ARL15: variants seen among roughly 807,000 people sequenced by gnomAD.
ARL15 encodes the protein ARF like GTPase 15.
In ARL15, 19 loss-of-function variants were observed where a neutral mutation model predicts 25.2. The ratio of observed to expected loss-of-function variants is 0.75; its 90% confidence interval spans 0.53 to 1.10. The LOEUF is 1.10. ARL15 is among the 50% of genes least tolerant of loss of function. The pLI is 0.00. For missense variants in ARL15, 220 were observed against 246.0 expected (o/e 0.89, Z 0.71); for synonymous variants, 94 against 86.8 (o/e 1.08, Z -0.46).
intron 4 of ARL15, among the ~76,000 whole-genome samples, chr5:54,037,699 C>T (rs1561198103): frequency 6.6e-6 from 1 of 152,052 alleles, no homozygotes; most frequent in Non-Finnish European, 1.5e-5. Context: ...TAATGAAATG[C>T]TTAAGTACAC....
At chr5:53,965,667 C>T (rs1272587915) in intron 4 of ARL15, among the ~76,000 whole-genome samples, 2 of 150,114 alleles carry the variant, frequency 1.3e-5, no homozygotes, top group East Asian at 3.9e-4. Context: ...TATCCTTGCT[C>T]ACTGTTGGTC....
rs563530983 is a variant in ARL15 at position 53,961,308 on chromosome 5, G to A, written c.463-74595C>T. 1.9e-4 allele frequency among the ~76,000 whole-genome samples: 29 copies of A among 151,836 alleles called. No individual in the cohort carries two copies. In the South Asian group the frequency reaches 5.6e-3, roughly 29 times the overall value. ...AGGTCAGGAGTTCGAGATCATCCTG[G>A]CCAACATGGTGAAACCCCATCTCTA... On this transcript the variant is annotated intron_variant, in intron 4 of 4. Transcript: ENST00000504924.
At chr5:53,947,757 G>A (rs1160836863) in intron 4 of ARL15, among the ~76,000 whole-genome samples, 1 of 152,152 alleles carries the variant, frequency 6.6e-6, no homozygotes, top group East Asian at 1.9e-4. Flanking sequence ...CAACATTAGA[G>A]AATGAAGAAA....
chr5:54,094,118 AT>A (rs1305850081), intron 4 of ARL15, among the ~76,000 whole-genome samples: 2 of 152,260 alleles, frequency 1.3e-5, no homozygotes, highest in Admixed American at 1.3e-4. Context: ...TAGTAGACAA[AT>A]TTTTGACATT....
intron 1 of ARL15, among the ~76,000 whole-genome samples, chr5:54,188,257 T>A (rs1755293019): frequency 1.3e-5 from 2 of 152,072 alleles, no homozygotes; most frequent in South Asian, 4.1e-4. Context: ...CAGTAAACTA[T>A]CATGTTAAGA....
At chr5:53,910,668 TATATA>T (rs1745430799) in intron 4 of ARL15, among the ~76,000 whole-genome samples, 1 of 127,646 alleles carries the variant, frequency 7.8e-6, no homozygotes, top group Admixed American at 7.9e-5. Flanking sequence ...TATATATATA[TATATA>T]AAGAAAACGT....
chr5:54,206,970 T>C (rs1755889026), intron 1 of ARL15, among the ~76,000 whole-genome samples: 1 of 152,240 alleles, frequency 6.6e-6, no homozygotes, highest in Non-Finnish European at 1.5e-5. Context: ...GAAAGGCTCG[T>C]CTAGTCCAAT....
chr5:54,216,678 T>G (rs759317407), intron 1 of ARL15, among the ~76,000 whole-genome samples: 6 of 152,084 alleles, frequency 3.9e-5, no homozygotes, highest in Non-Finnish European at 8.8e-5. Context: ...CAAAATGTAC[T>G]AATCATTCCA....
intron 1 of ARL15, among the ~76,000 whole-genome samples, chr5:54,218,887 A>G (rs1756293837): frequency 6.6e-6 from 1 of 152,130 alleles, no homozygotes; most frequent in South Asian, 2.1e-4. Context: ...CTAGTCTTCT[A>G]ATTTTGTACA....
intron 1 of ARL15, among the ~76,000 whole-genome samples, chr5:54,190,328 G>C (rs934731245): frequency 2.0e-5 from 3 of 151,932 alleles, no homozygotes; most frequent in African/African-American, 7.3e-5. Flanking sequence ...AGGAGGTGGA[G>C]GTTGCAGTGA....
chr5:53,886,649 G>A lies in ARL15; in HGVS notation c.527C>T (p.Ser176Leu), dbSNP rs907440172. The change falls in exon 5 of 5, where the codon TCA (serine) becomes TTA (leucine). Residue 176 changes from serine (S) to leucine (L), a missense_variant. Coordinates refer to ENST00000504924, the MANE Select transcript of ARL15 (RefSeq NM_019087.3). The stretch of plus-strand genomic sequence containing the variant: ...TTTCAGTGCATCCATGTCATCCAGT[G>A]AGCAGGGCTGTAGAATCCAGCGTTT... The part of the protein sequence containing the change: ...RGKRWILQPC[S>L]LDDMDALKDS... 7.0e-6 allele frequency: 11 copies of A among 1,575,506 alleles called. No individual in the cohort carries two copies. Among genetic ancestry groups the A allele is most frequent in the Admixed American group, 1.8e-5 (1 of 54,826 alleles).
intron 4 of ARL15, among the ~76,000 whole-genome samples, chr5:53,989,987 G>A (rs1346347730): frequency 2.0e-5 from 3 of 152,006 alleles, no homozygotes; most frequent in South Asian, 2.1e-4. Context: ...TAATTCCAGC[G>A]CTTTGGGAGG....
intron 4 of ARL15, among the ~76,000 whole-genome samples, chr5:54,002,307 A>G (rs995979080): frequency 1.3e-5 from 2 of 152,246 alleles, no homozygotes; most frequent in African/African-American, 4.8e-5. Flanking sequence ...GAGGGACACA[A>G]AACCAAAAGG....
chr5:54,069,749 G>A (rs1751362331), intron 4 of ARL15, among the ~76,000 whole-genome samples: 1 of 151,566 alleles, frequency 6.6e-6, no homozygotes, highest in African/African-American at 2.4e-5. Context: ...CTGGATTCAA[G>A]CAATTCTCCT....
intron 2 of ARL15, among the ~76,000 whole-genome samples, chr5:54,154,904 C>T (rs1412991601): frequency 1.3e-5 from 2 of 152,098 alleles, no homozygotes; most frequent in African/African-American, 2.4e-5. Context: ...GGGCAGATCA[C>T]GAGGTCAAGA....
At chr5:54,030,614 C>T (rs1421332051) in intron 4 of ARL15, among the ~76,000 whole-genome samples, 1 of 152,078 alleles carries the variant, frequency 6.6e-6, no homozygotes, top group African/African-American at 2.4e-5. Flanking sequence ...TCAAAGGTCC[C>T]GAGGCAGCAG....
chr5:54,002,040 G>A (rs958690226), intron 4 of ARL15, among the ~76,000 whole-genome samples: 5 of 152,176 alleles, frequency 3.3e-5, no homozygotes, highest in Non-Finnish European at 5.9e-5. Context: ...CCAATGGTTG[G>A]AGTCACTGGA....
intron 1 of ARL15, among the ~76,000 whole-genome samples, chr5:54,264,397 A>T (rs1757570945): frequency 6.6e-6 from 1 of 152,130 alleles, no homozygotes; most frequent in Non-Finnish European, 1.5e-5. Flanking sequence ...CCCAGCTTTA[A>T]CATTGCCCTA....
rs572167798 is a variant in ARL15, at chr5:53,905,327, C to T, written c.463-18614G>A. Among the ~76,000 whole-genome samples the T allele has an allele frequency of 3.3e-5, 5 of 152,176 alleles. No homozygotes were observed. In the South Asian group the frequency reaches 1.0e-3, roughly 32 times the overall value. ...CTCAAACCCACGCTCATGTGCACAC[C>T]CCCACACCCCTACAGTTTCCTGTAG... On this transcript the variant is annotated intron_variant, in intron 4 of 4. Coordinates refer to ENST00000504924, the MANE Select transcript of ARL15 (RefSeq NM_019087.3).
Sources: allele counts gnomAD v4.1 joint callset (sites outside exome capture counted in the v4.1 genomes callset), GRCh38; gene constraint gnomAD v4.1.1; transcripts MANE v1.5; gene names NCBI Gene and HGNC (gene_info 2026-07-23, HGNC 2026-07-21).